The following ZNF687 variants were observed in gnomAD, a reference collection of about 807,000 sequenced individuals.
ZNF687 encodes the protein zinc finger protein 687.
ZNF687 carries 13 observed loss-of-function variants against 71.8 expected under a neutral mutation model. The ratio of observed to expected loss-of-function variants is 0.18; its 90% CI spans 0.12 to 0.29. The LOEUF is 0.29. Ranked by LOEUF, ZNF687 falls within the 10% of genes least tolerant of loss-of-function variation. ZNF687 has a pLI of 1.00. For synonymous variants in ZNF687, 673 were observed against 641.6 expected (o/e 1.05, Z -0.74); for missense variants, 1,412 against 1,625.6 (o/e 0.87, Z 2.26).
rs1557768264 is a variant in ZNF687 at position 151,286,588 on chromosome 1, TGGAGGCTCAGCA to T, written c.302_313del (p.Gly101_Gly104del). 6.2e-7 allele frequency: 1 copy of T among 1,614,210 alleles called. No homozygotes were observed. Among genetic ancestry groups the T allele is most frequent in the Admixed American group, 1.7e-5 (1 of 60,030 alleles). On this transcript the variant is annotated inframe_deletion, in exon 2 of 9. Transcript: ENST00000336715. ...GTCCCGAGCAGTCTGAGGCCCTGGC[TGGAGGCTCAGCA>T]GGAGACGGGGCCCAGGCTGCTGGGG...
At position 151,286,572 on chromosome 1, in the gene ZNF687, A is replaced by C; in HGVS notation, c.281A>C (p.Gln94Pro). The stretch of plus-strand genomic sequence containing the variant: ...GTCAAGAACACTGTGTGTCCCGAGC[A>C]GTCTGAGGCCCTGGCTGGAGGCTCA... ...VIVKNTVCPE[Q>P]SEALAGGSAG... is the part of the protein sequence containing the mutation. The change falls in exon 2 of 9, where the codon CAG (glutamine) becomes CCG (proline). Residue 94 changes from glutamine to proline, a missense_variant. By Grantham distance (76) the Gln-to-Pro change is moderately conservative. Coordinates refer to ENST00000336715, the MANE Select transcript of ZNF687 (RefSeq NM_020832.3). 1 of 1,614,228 alleles carries C rather than the reference A, an allele frequency of 6.2e-7. No homozygotes were observed. Among genetic ancestry groups the C allele is most frequent in the Non-Finnish European group, 8.5e-7 (1 of 1,180,038 alleles).
chr1:151,287,216 G>A lies in ZNF687; in HGVS notation c.925G>A (p.Ala309Thr), dbSNP rs754560639. The A allele has an allele frequency of 8.7e-6, 14 of 1,614,062 alleles. No homozygotes were observed. The East Asian group carries it at 2.7e-4, about 31-fold the overall frequency. ...PGSPQSPSSG[A>T]EAADEDSNDS... is the part of the protein sequence containing the mutation. ...AAGTCCCCAGAGTCCCTCTAGTGGG[G>A]CCGAGGCTGCAGATGAGGACAGCAA... The change falls in exon 2 of 9, where the codon GCC (alanine) becomes ACC (threonine). Residue 309 changes from alanine to threonine, a missense_variant. Coordinates refer to ENST00000336715, the MANE Select transcript of ZNF687 (RefSeq NM_020832.3). The surrounding 1 kb of genome is among the most constrained non-coding windows in gnomAD (Gnocchi z 5.0).
At chr1:151,288,727 A>G (rs1488536384) in intron 3 of ZNF687, 21 bp downstream of exon 3, 4 of 1,599,180 alleles carry the variant, frequency 2.5e-6, no homozygotes, top group East Asian at 4.5e-5. Context: ...CCCTTCCTCC[A>G]TAGAACTGTA....
upstream of ZNF687, chr1:151,281,939 G>T: frequency 9.4e-7 from 1 of 1,064,540 alleles, no homozygotes; most frequent in Non-Finnish European, 1.2e-6. Flanking sequence ...GCGAGGGGCG[G>T]AGACGCACCT....
At chr1:151,284,415 G>A (rs1693858278) in intron 1 of ZNF687, 1 of 236,652 alleles carries the variant, frequency 4.2e-6, no homozygotes, top group Non-Finnish European at 6.9e-6. Flanking sequence ...TGGGGCCCTT[G>A]TGACCAGGCT....
Position 151,287,166 on chromosome 1 carries a change from G to T in ZNF687, c.875G>T (p.Gly292Val), listed in dbSNP as rs1354845984. Reference protein sequence around the residue: ...QPLKEEDDDEGPVDKSSPGSP... With the variant: ...QPLKEEDDDEVPVDKSSPGSP... Reference sequence around the variant, plus strand: ...TTGAAGGAAGAAGATGATGATGAGGGGCCAGTGGACAAGTCTTCCCCAGGA... The same window carrying T: ...TTGAAGGAAGAAGATGATGATGAGGTGCCAGTGGACAAGTCTTCCCCAGGA... Residue 292 changes from glycine to valine, a missense_variant, in exon 2 of 9, where the codon GGG becomes GTG. Around this residue, in one of 8 missense-constraint regions of ZNF687, gnomAD observed 490 missense variants for 489.9 expected, o/e 1.00. Transcript: ENST00000336715. The surrounding 1 kb of genome is among the most constrained non-coding windows in gnomAD (Gnocchi z 5.0). The T allele has an allele frequency of 6.2e-7, 1 of 1,614,124 alleles. No homozygotes were observed. The highest frequency in any genetic ancestry group is 2.2e-5 in the East Asian group (1 of 44,878).
rs1489041765 is a variant in ZNF687 at position 151,287,330 on chromosome 1, A to G, written c.1039A>G (p.Thr347Ala). 1 of 1,614,168 alleles carries G rather than the reference A, an allele frequency of 6.2e-7. No individual in the cohort carries two copies. Among genetic ancestry groups the G allele is most frequent in the Non-Finnish European group, 8.5e-7 (1 of 1,180,030 alleles). ...TSCGNITRTVTQVPSDPDPPA... is the reference protein window; with the variant it reads ...TSCGNITRTVAQVPSDPDPPA... ...CTGCGGGAATATCACAAGGACTGTA[A>G]CTCAGGTCCCCTCAGATCCTGATCC... The change falls in exon 2 of 9, where the codon ACT becomes GCT. Residue 347 changes from threonine to alanine, a missense_variant. This residue lies in a region of ZNF687 where 490 missense variants were observed against 489.9 expected (regional missense o/e 1.00). Coordinates refer to ENST00000336715, the MANE Select transcript of ZNF687 (RefSeq NM_020832.3). This position sits in a 1 kb window ranked among gnomAD's most constrained non-coding sequence, Gnocchi z 5.0.
rs1024562089 is a variant in ZNF687, at chr1:151,282,361, C to T, written c.-52C>T. Reference sequence around the variant, plus strand: ...TGCAGCGGCTGGAGCGGGGTAGAGACCGCCGGGTCTCGGCCCGCACCAGGA... The same window carrying T: ...TGCAGCGGCTGGAGCGGGGTAGAGATCGCCGGGTCTCGGCCCGCACCAGGA... On this transcript the variant is annotated 5_prime_UTR_variant, in exon 1 of 9. Transcript: ENST00000336715. The T allele has an allele frequency of 2.9e-5, 29 of 993,450 alleles. No homozygotes were observed. The highest frequency in any genetic ancestry group is 1.2e-5 in the Non-Finnish European group (10 of 833,432). The allele number at this position is 993,450 out of a possible 1,614,324, so 61.5% of individuals were successfully genotyped here. A position where few individuals can be genotyped will look rare whatever the true frequency, so the allele number is the denominator to read the frequency against.
chr1:151,288,266 A>T lies in ZNF687; in HGVS notation c.1975A>T (p.Thr659Ser). ...AAEAPVLPLSTEPPAAPATSA... is the reference protein window; with the variant it reads ...AAEAPVLPLSSEPPAAPATSA... ...TGAGGCCCCTGTCCTGCCGCTCTCCACAGAGCCGCCTGCTGCCCCGGCCAC... is the reference window on the plus strand; with the variant it reads ...TGAGGCCCCTGTCCTGCCGCTCTCCTCAGAGCCGCCTGCTGCCCCGGCCAC... The change falls in exon 2 of 9, where the codon ACA becomes TCA. Residue 659 changes from threonine to serine, a missense_variant. Thr to Ser is a moderately conservative substitution (Grantham distance 58). Around this residue, in one of 8 missense-constraint regions of ZNF687, gnomAD observed 207 missense variants for 239.2 expected, o/e 0.87. Transcript: ENST00000336715. 1 of 1,613,654 alleles carries T rather than the reference A, an allele frequency of 6.2e-7. No individual in the cohort carries two copies. Among genetic ancestry groups the T allele is most frequent in the Non-Finnish European group, 8.5e-7 (1 of 1,179,974 alleles).
At chr1:151,285,417 A>AT (rs747345360) in intron 1 of ZNF687, 338 of 139,556 alleles carry the variant, frequency 2.4e-3, no homozygotes, top group Non-Finnish European at 2.5e-3. Context: ...TGTTCCCTGT[A>AT]TTTTTTTTTT....
In ZNF687 at chr1:151,288,646, C is replaced by T; in HGVS notation, c.2234C>T (p.Ala745Val). The stretch of plus-strand genomic sequence containing the variant: ...GAGTGTGGGGGCAACTTCCTGCAAG[C>T]CAATTTTCAGACCCATCTCCGGGAG... ...CPECGGNFLQ[A>V]NFQTHLREAC... The change falls in exon 3 of 9, where the codon GCC (alanine) becomes GTC (valine). Residue 745 changes from alanine to valine, a missense_variant. Ala to Val is a moderately conservative substitution (Grantham distance 64). Around this residue, in one of 8 missense-constraint regions of ZNF687, gnomAD observed 207 missense variants for 239.2 expected, o/e 0.87. Coordinates refer to ENST00000336715, the MANE Select transcript of ZNF687 (RefSeq NM_020832.3). 1 of 1,614,140 alleles carries T rather than the reference C, an allele frequency of 6.2e-7. No individual in the cohort carries two copies. The highest frequency in any genetic ancestry group is 2.2e-5 in the East Asian group (1 of 44,886).
At position 151,290,750 on chromosome 1, in the gene ZNF687, T is replaced by C. The variant is rs140518195; in HGVS notation, c.3255T>C (p.Ser1085=). The change falls in exon 9 of 9, where the codon TCT becomes TCC. Residue 1085 remains serine (S), a synonymous_variant. Transcript: ENST00000336715. ...PGRKRRQSSD[S]CSEEPDSTTP... ...GGAAACGCCGCCAGTCTTCTGACTCTTGCAGTGAGGAGCCTGACAGCACGA... is the reference window on the plus strand; with the variant it reads ...GGAAACGCCGCCAGTCTTCTGACTCCTGCAGTGAGGAGCCTGACAGCACGA... 2.2e-5 allele frequency: 36 copies of C among 1,612,240 alleles called. No homozygotes were observed. The African/African-American group carries it at 3.3e-4, about 15-fold the overall frequency.
chr1:151,283,036 C>T (rs1693790018), intron 1 of ZNF687: 10 of 852,512 alleles, frequency 1.2e-5, no homozygotes, highest in Non-Finnish European at 1.4e-5. Flanking sequence ...AGTCCTGGGT[C>T]CCCAGGTGCT....
chr1:151,290,159 CCTT>C lies in ZNF687; in HGVS notation c.3005_3007del (p.Phe1002del). 3 of 1,614,022 alleles carry C rather than the reference CCTT, an allele frequency of 1.9e-6. No homozygotes were observed. Among genetic ancestry groups the C allele is most frequent in the Non-Finnish European group, 2.5e-6 (3 of 1,180,024 alleles). The stretch of plus-strand genomic sequence containing the variant: ...TTCCCCTGTCGCCTGTGTGAGCGCT[CCTT>C]CTGCTCCGCCCCCAGCCTGAGGCGC... On this transcript the variant is annotated inframe_deletion, in exon 7 of 9. Transcript: ENST00000336715.
rs768851645 is a variant in ZNF687, at chr1:151,286,423, A to C, written c.132A>C (p.Glu44Asp). The C allele has an allele frequency of 6.2e-7, 1 of 1,613,774 alleles. No individual in the cohort carries two copies. The highest frequency in any genetic ancestry group is 8.5e-7 in the Non-Finnish European group (1 of 1,179,908). Reference protein sequence around the residue: ...NEGPGGPGKPEPGVGSESEDT... With the variant: ...NEGPGGPGKPDPGVGSESEDT... Reference sequence around the variant, plus strand: ...GGCCTGGAGGCCCAGGGAAGCCAGAACCAGGTGTAGGAAGTGAATCTGAAG... The same window carrying C: ...GGCCTGGAGGCCCAGGGAAGCCAGACCCAGGTGTAGGAAGTGAATCTGAAG... The change falls in exon 2 of 9, where the codon GAA becomes GAC. Residue 44 changes from glutamate (E) to aspartate (D), a missense_variant. Transcript: ENST00000336715.
chr1:151,283,783 C>T lies in ZNF687; in HGVS notation c.-18+1388C>T, dbSNP rs933557814. 1.1e-5 allele frequency: 11 copies of T among 967,472 alleles called. No homozygotes were observed. In the African/African-American group the frequency reaches 1.9e-4, roughly 17 times the overall value. 59.9% of individuals were successfully genotyped at this position (967,472 alleles called of 1,614,324 possible). A position where few individuals can be genotyped will look rare whatever the true frequency, so the allele number is the denominator to read the frequency against. ...ATAGGGTGGGGGTGAGGGGAGGACTCCCCCTTTGGTTTTGCCCCCACCCCA... is the reference window on the plus strand; with the variant it reads ...ATAGGGTGGGGGTGAGGGGAGGACTTCCCCTTTGGTTTTGCCCCCACCCCA... On this transcript the variant is annotated intron_variant, in intron 1 of 8. Coordinates refer to ENST00000336715, the MANE Select transcript of ZNF687 (RefSeq NM_020832.3).
chr1:151,291,306 A>AT lies in ZNF687; in HGVS notation c.*98dup. The AT allele has an allele frequency of 7.1e-7, 1 of 1,417,722 alleles. No individual in the cohort carries two copies. The highest frequency in any genetic ancestry group is 9.4e-7 in the Non-Finnish European group (1 of 1,062,252). The allele number at this position is 1,417,722 out of a possible 1,614,324, so 87.8% of individuals were successfully genotyped here. ...GGCTGGGGAGTTTTCATTAACATTA[A>AT]TATTTTGTTAATTCCTGTCTCTCCA... On this transcript the variant is annotated 3_prime_UTR_variant, in exon 9 of 9. Transcript: ENST00000336715.
At chr1:151,290,395 T>G in intron 7 of ZNF687, 37 bp from the exon 8 acceptor site, 1 of 1,613,584 alleles carries the variant, frequency 6.2e-7, no homozygotes, top group South Asian at 1.1e-5. Context: ...GCCTTCGGGC[T>G]GTGCCGCTGC....
intron 1 of ZNF687, chr1:151,283,154 CAT>C (rs375998838): frequency 1.3e-5 from 13 of 985,468 alleles, no homozygotes; most frequent in Middle Eastern, 1.0e-3. Flanking sequence ...TGTAGTTTCT[CAT>C]GTGTACACCC....
Sources: allele counts gnomAD v4.1 joint callset, GRCh38; gene constraint gnomAD v4.1.1; regional missense constraint gnomAD v4.1.1; non-coding constraint Gnocchi (gnomAD v3.1); transcripts MANE v1.5; gene names NCBI Gene and HGNC (gene_info 2026-07-23, HGNC 2026-07-21).